ATP6V0A2: variants seen among roughly 807,000 people sequenced by gnomAD.
ATP6V0A2 encodes V-type proton ATPase 116 kDa subunit a 2.
In ATP6V0A2, 58 loss-of-function variants were observed where a neutral mutation model predicts 104.4. The observed-to-expected ratio is 0.56, with a 90% CI of 0.45 to 0.69. ATP6V0A2 has a LOEUF of 0.69. Ranked by LOEUF, ATP6V0A2 falls within the 30% of genes least tolerant of loss-of-function variation. The pLI, the probability that ATP6V0A2 is intolerant of heterozygous loss-of-function variation, is 0.00. For missense variants in ATP6V0A2, 938 were observed against 1,062.9 expected (o/e 0.88, Z 1.63); for synonymous variants, 376 against 397.9 (o/e 0.95, Z 0.65).
intron 15 of ATP6V0A2, chr12:123,750,847 C>G (rs1290318814): frequency 6.3e-6 from 3 of 475,754 alleles, no homozygotes; most frequent in East Asian, 8.4e-5. Flanking sequence ...GTTTGACTCT[C>G]TTTAGAATTT....
intron 1 of ATP6V0A2, among the ~76,000 whole-genome samples, chr12:123,715,929 A>G (rs1956334636): frequency 6.6e-6 from 1 of 152,194 alleles, no homozygotes; most frequent in Non-Finnish European, 1.5e-5. Context: ...TTATAAGTAG[A>G]GGGAAGAGTA....
intron 3 of ATP6V0A2, among the ~76,000 whole-genome samples, chr12:123,722,678 C>A (rs2135885067): frequency 2.0e-5 from 3 of 152,240 alleles, no homozygotes; most frequent in Middle Eastern, 3.4e-3. Flanking sequence ...AAGGCATATG[C>A]TTCCTTTCCA....
rs1293860708 is a variant in ATP6V0A2 at position 123,754,294 on chromosome 12, G to A, written c.2176-126G>A. 7.8e-6 allele frequency: 6 copies of A among 769,250 alleles called. No homozygotes were observed. In the East Asian group the frequency reaches 9.9e-5, roughly 13 times the overall value. The allele number at this position is 769,250 out of a possible 1,614,324, so 47.7% of individuals were successfully genotyped here. ...TGGGGTTTCTGTTCCTCACACTCTAGCGTGTTCTTACCAGCATCCAGCCGG... is the reference window on the plus strand; with the variant it reads ...TGGGGTTTCTGTTCCTCACACTCTAACGTGTTCTTACCAGCATCCAGCCGG... On this transcript the variant is annotated intron_variant, in intron 17 of 19. Coordinates refer to ENST00000330342, the MANE Select transcript of ATP6V0A2 (RefSeq NM_012463.4).
At chr12:123,753,672 G>A (rs988358777) in intron 17 of ATP6V0A2, among the ~76,000 whole-genome samples, 5 of 152,240 alleles carry the variant, frequency 3.3e-5, no homozygotes, top group Non-Finnish European at 7.3e-5. Flanking sequence ...AGTGTGGTTG[G>A]GGGTACGAGG....
rs1956643428 is a variant in ATP6V0A2, at chr12:123,744,720, A to G, written c.1450A>G (p.Asn484Asp). ...KSVNLFGSGW[N>D]VSAMYSSSHP... ...AGTCAACCTGTTCGGCTCTGGGTGG[A>G]ACGTGTCGGCCATGTACAGCTCCAG... Residue 484 changes from asparagine (N) to aspartate (D), a missense_variant, in exon 12 of 20, where the codon AAC becomes GAC. Transcript: ENST00000330342. This position sits in a 1 kb window ranked among gnomAD's most constrained non-coding sequence, Gnocchi z 5.4. The G allele has an allele frequency of 1.2e-6, 2 of 1,614,090 alleles. No individual in the cohort carries two copies. The highest frequency in any genetic ancestry group is 1.7e-6 in the Non-Finnish European group (2 of 1,180,018).
intron 13 of ATP6V0A2, among the ~76,000 whole-genome samples, chr12:123,747,323 G>A (rs571388771): frequency 6.6e-6 from 1 of 152,252 alleles, no homozygotes; most frequent in Non-Finnish European, 1.5e-5. Context: ...ACTCTCCCTT[G>A]CCTTGCCTTT....
At chr12:123,729,515 CATACCTAACAGCTGTGGGGCCGA>C (rs1956480783) in intron 6 of ATP6V0A2, among the ~76,000 whole-genome samples, 1 of 151,950 alleles carries the variant, frequency 6.6e-6, no homozygotes, top group Non-Finnish European at 1.5e-5. Context: ...TCCCCATGTA[CATACCTAACAGCTGTGGGGCCGA>C]ATGGTTCAGA....
chr12:123,727,160 T>C (rs1294152409), intron 5 of ATP6V0A2, among the ~76,000 whole-genome samples: 2 of 152,178 alleles, frequency 1.3e-5, no homozygotes, highest in Non-Finnish European at 2.9e-5. Context: ...CTGCTCACCT[T>C]ATCTAGACCC....
At chr12:123,729,320 C>CTTTTTTTTTTTTTTTTTT (rs1566278746) in intron 6 of ATP6V0A2, among the ~76,000 whole-genome samples, 2 of 38,828 alleles carry the variant, frequency 5.2e-5, no homozygotes, top group African/African-American at 2.0e-4. Context: ...TTCAAGGAGG[C>CTTTTTTTTTTTTTTTTTT]TGTTTTTTTT....
At chr12:123,730,307 G>C (rs560596913) in intron 6 of ATP6V0A2, among the ~76,000 whole-genome samples, 1 of 151,674 alleles carries the variant, frequency 6.6e-6, no homozygotes, top group Non-Finnish European at 1.5e-5. Context: ...CACCCGCCTC[G>C]GCCTCCCAAA....
In ATP6V0A2 at chr12:123,761,237, C is replaced by A. The variant is rs1416089329; in HGVS notation, c.*3205C>A. ...CAGTTGTTTAATAAGGCACAGAATA[C>A]CTGTAGCATAGGTCAGCCTTACGAT... is the stretch of plus-strand genomic sequence containing the variant. On this transcript the variant is annotated 3_prime_UTR_variant, in exon 20 of 20. Coordinates refer to ENST00000330342, the MANE Select transcript of ATP6V0A2 (RefSeq NM_012463.4). 2.0e-5 allele frequency: 3 copies of A among 152,190 alleles called. No homozygotes were observed. Among genetic ancestry groups the A allele is most frequent in the African/African-American group, 7.2e-5 (3 of 41,440 alleles). The allele number at this position is 152,190 out of a possible 1,614,324, so 9.4% of individuals were successfully genotyped here.
chr12:123,740,175 G>C (rs1480861389), intron 9 of ATP6V0A2, among the ~76,000 whole-genome samples: 2 of 114,554 alleles, frequency 1.7e-5, no homozygotes, highest in African/African-American at 6.4e-5. Flanking sequence ...CAAACAAACA[G>C]TGATTTTACA....
At chr12:123,720,568 C>G (rs751150583) in intron 2 of ATP6V0A2, among the ~76,000 whole-genome samples, 3 of 152,118 alleles carry the variant, frequency 2.0e-5, no homozygotes, top group Non-Finnish European at 4.4e-5. Context: ...GTGACATGTG[C>G]CTGTAGTCTT....
intron 17 of ATP6V0A2, 71 bp downstream of exon 17, chr12:123,752,473 G>T (rs1956725701): frequency 1.3e-6 from 2 of 1,574,922 alleles, no homozygotes; most frequent in Non-Finnish European, 1.7e-6. Context: ...ATCATGTTAA[G>T]ATAATATTTA....
At chr12:123,715,423 C>T (rs981233144) in intron 1 of ATP6V0A2, among the ~76,000 whole-genome samples, 2 of 152,024 alleles carry the variant, frequency 1.3e-5, no homozygotes, top group African/African-American at 4.8e-5. Context: ...GAATTTTTAC[C>T]TTTTTTCTGG....
chr12:123,754,781 A>G, intron 18 of ATP6V0A2: 1 of 525,740 alleles, frequency 1.9e-6, no homozygotes, highest in Non-Finnish European at 3.4e-6. Flanking sequence ...AGCCTGCCCA[A>G]TTTAAAAAAA....
chr12:123,721,600 C>T (rs1423142826), intron 2 of ATP6V0A2: 5 of 212,342 alleles, frequency 2.4e-5, no homozygotes, highest in South Asian at 8.8e-5. Flanking sequence ...TGTCCGGCCA[C>T]GACTGGCACC....
intron 9 of ATP6V0A2, chr12:123,737,611 T>C (rs2135902501): frequency 6.0e-6 from 2 of 335,634 alleles, no homozygotes; most frequent in Non-Finnish European, 1.2e-5. Context: ...TGTGAGTACA[T>C]GTGTTTTTAA....
chr12:123,744,999 C>T lies in ATP6V0A2; in HGVS notation c.1605+27C>T. Reference sequence around the variant, plus strand: ...TGAGTGCACCACGCTCTGTCGTTGTCTCTGGATGCTCTGTGGTGCCACCTA... The same window carrying T: ...TGAGTGCACCACGCTCTGTCGTTGTTTCTGGATGCTCTGTGGTGCCACCTA... On this transcript the variant is annotated intron_variant, in intron 13 of 19. Transcript: ENST00000330342. The surrounding 1 kb of genome is among the most constrained non-coding windows in gnomAD (Gnocchi z 5.4). 6.2e-7 allele frequency: 1 copy of T among 1,600,852 alleles called. No homozygotes were observed. Among genetic ancestry groups the T allele is most frequent in the Non-Finnish European group, 8.5e-7 (1 of 1,171,782 alleles).
Sources: allele counts gnomAD v4.1 joint callset (sites outside exome capture counted in the v4.1 genomes callset), GRCh38; gene constraint gnomAD v4.1.1; non-coding constraint Gnocchi (gnomAD v3.1); transcripts MANE v1.5; gene names NCBI Gene and HGNC (gene_info 2026-07-23, HGNC 2026-07-21).